Variants in CLVS1 observed in about 807,000 individuals in gnomAD.
CLVS1 encodes the protein clavesin-1.
Under a neutral mutation model 33.1 loss-of-function variants are expected in CLVS1, and 10 were observed. The observed-to-expected ratio is 0.30, with a 90% confidence interval of 0.19 to 0.51. The LOEUF is 0.51. CLVS1 is among the 20% of genes least tolerant of loss of function. The pLI, the probability that CLVS1 is intolerant of heterozygous loss-of-function variation, is 0.97. For missense variants in CLVS1, 343 were observed against 433.4 expected, an observed-to-expected ratio of 0.79 and a Z score of 1.85; for synonymous variants, 163 against 166.1, an observed-to-expected ratio of 0.98 and a Z score of 0.14.
intron 1 of CLVS1, among the ~76,000 whole-genome samples, chr8:61,109,322 C>CAG (rs1805589408): frequency 6.6e-6 from 1 of 152,076 alleles, no homozygotes; most frequent in South Asian, 2.1e-4. Flanking sequence ...ACTGTTGGAG[C>CAG]AGATGGTGTT....
chr8:61,037,065 T>A, the CLVS1 span, among the ~76,000 whole-genome samples: 1 of 152,214 alleles, frequency 6.6e-6, no homozygotes, highest in Admixed American at 6.5e-5. Flanking sequence ...TACATCAGTG[T>A]TTATACAGGT....
intron 2 of CLVS1, among the ~76,000 whole-genome samples, chr8:61,365,136 TC>T (rs1813143349): frequency 6.6e-6 from 1 of 152,190 alleles, no homozygotes; most frequent in Non-Finnish European, 1.5e-5. Context: ...CAATTTCTTA[TC>T]CCAAAAGTGA....
chr8:61,179,481 A>T (rs577149011), intron 2 of CLVS1, among the ~76,000 whole-genome samples: 2 of 152,328 alleles, frequency 1.3e-5, no homozygotes, highest in South Asian at 2.1e-4. Context: ...TCAGCTCTGG[A>T]TAAAGTCGAC....
intron 3 of CLVS1, among the ~76,000 whole-genome samples, chr8:61,380,714 T>C (rs1813839951): frequency 6.6e-6 from 1 of 152,202 alleles, no homozygotes; most frequent in Non-Finnish European, 1.5e-5. Context: ...GCTACCATTT[T>C]AATACAGCTC....
At chr8:61,339,738 A>G (rs1405701163) in intron 2 of CLVS1, among the ~76,000 whole-genome samples, 1 of 150,070 alleles carries the variant, frequency 6.7e-6, no homozygotes, top group East Asian at 1.9e-4. Context: ...GGAGGGAGAG[A>G]GAAAGAGAGA....
intron 3 of CLVS1, among the ~76,000 whole-genome samples, chr8:61,389,521 C>T (rs28506817): frequency 0.019 from 2,924 of 151,140 alleles, 104 homozygotes; most frequent in African/African-American, 0.066. Flanking sequence ...CCAGCCTGGG[C>T]GACTCCATCT....
At chr8:60,987,085 C>A in the CLVS1 span, among the ~76,000 whole-genome samples, 1 of 152,174 alleles carries the variant, frequency 6.6e-6, no homozygotes, top group African/African-American at 2.4e-5. Flanking sequence ...TGCTCTCAGG[C>A]AAATGACAGT....
chr8:61,342,372 C>T (rs1210538144), intron 2 of CLVS1, among the ~76,000 whole-genome samples: 2 of 152,138 alleles, frequency 1.3e-5, no homozygotes, highest in Non-Finnish European at 2.9e-5. Flanking sequence ...ACTCTGAGCT[C>T]CTCGATGGCT....
chr8:61,151,663 G>A (rs546656618), intron 2 of CLVS1, among the ~76,000 whole-genome samples: 2 of 152,214 alleles, frequency 1.3e-5, no homozygotes, highest in Non-Finnish European at 2.9e-5. Context: ...AGGGGCAGGG[G>A]AGAAGTGATG....
At chr8:61,065,316 G>A (rs566167756) in intron 1 of CLVS1, among the ~76,000 whole-genome samples, 6 of 152,274 alleles carry the variant, frequency 3.9e-5, no homozygotes, top group Non-Finnish European at 8.8e-5. Flanking sequence ...GTCTGTGTAT[G>A]TTCAGTACAG....
chr8:61,196,293 T>C (rs1273009978), intron 2 of CLVS1, among the ~76,000 whole-genome samples: 1 of 146,124 alleles, frequency 6.8e-6, no homozygotes, highest in African/African-American at 2.8e-5. Flanking sequence ...CTATGTGACA[T>C]GTGCCATATG....
At chr8:61,329,788 A>C (rs1811524777) in intron 2 of CLVS1, among the ~76,000 whole-genome samples, 1 of 152,176 alleles carries the variant, frequency 6.6e-6, no homozygotes, top group Non-Finnish European at 1.5e-5. Context: ...CTTTAAGTAA[A>C]AACCTATGAT....
intron 3 of CLVS1, among the ~76,000 whole-genome samples, chr8:61,390,593 A>G (rs1320939765): frequency 6.6e-6 from 1 of 152,176 alleles, no homozygotes; most frequent in Non-Finnish European, 1.5e-5. Context: ...CCTCTCCACA[A>G]TGCCTACACT....
At chr8:61,117,583 G>C (rs1419498677) in intron 1 of CLVS1, among the ~76,000 whole-genome samples, 13 of 149,184 alleles carry the variant, frequency 8.7e-5, no homozygotes, top group African/African-American at 2.7e-4. Context: ...TAGCATGAAG[G>C]GTTGTTGAAT....
rs950294257 is a variant in CLVS1, at chr8:61,479,500, G to C, written c.978-19955G>C. Among the ~76,000 whole-genome samples, 3 of 151,958 alleles carry C rather than the reference G, an allele frequency of 2.0e-5. No individual in the cohort carries two copies. The East Asian group carries it at 5.8e-4, about 29-fold the overall frequency. Reference sequence around the variant, plus strand: ...GCCATTCGTCTAATTTTTTTTTCAAGGTTTTTAACTTCTTTGCCATTGGTT... The same window carrying C: ...GCCATTCGTCTAATTTTTTTTTCAACGTTTTTAACTTCTTTGCCATTGGTT... On this transcript the variant is annotated intron_variant, in intron 5 of 5. Coordinates refer to ENST00000325897, the MANE Select transcript of CLVS1 (RefSeq NM_173519.3).
chr8:61,333,271 C>A (rs1430502631), intron 2 of CLVS1, among the ~76,000 whole-genome samples: 2 of 152,048 alleles, frequency 1.3e-5, no homozygotes, highest in Admixed American at 6.5e-5. Context: ...TAGGTAAACA[C>A]CATAGTAAGA....
At chr8:61,230,807 A>G (rs1012745285) in intron 2 of CLVS1, among the ~76,000 whole-genome samples, 1 of 152,178 alleles carries the variant, frequency 6.6e-6, no homozygotes. Flanking sequence ...ACAGTTTCAA[A>G]TGCTGGGAAG....
At chr8:61,067,395 T>C (rs1804702129) in intron 1 of CLVS1, among the ~76,000 whole-genome samples, 1 of 149,278 alleles carries the variant, frequency 6.7e-6, no homozygotes, top group African/African-American at 2.4e-5. Flanking sequence ...ATAATTGTAT[T>C]ATATAATTAT....
chr8:61,219,735 CG>C (rs1188848739), intron 2 of CLVS1, among the ~76,000 whole-genome samples: 1 of 152,176 alleles, frequency 6.6e-6, no homozygotes, highest in Non-Finnish European at 1.5e-5. Flanking sequence ...CTGTCTTCCA[CG>C]ATGGTTGAAC....
Sources: allele counts gnomAD v4.1 joint callset (sites outside exome capture counted in the v4.1 genomes callset), GRCh38; gene constraint gnomAD v4.1.1; transcripts MANE v1.5; gene names NCBI Gene and HGNC (gene_info 2026-07-23, HGNC 2026-07-21).